The following APH1B variants were observed in gnomAD, a reference collection of about 807,000 sequenced individuals.
The protein encoded by APH1B is gamma-secretase subunit APH-1B.
A neutral mutation model predicts 28.2 loss-of-function variants in APH1B; 27 were observed. The ratio of observed to expected loss-of-function variants is 0.96; its 90% CI spans 0.70 to 1.32. The LOEUF (loss-of-function observed/expected upper bound fraction) is 1.32. Ranked by LOEUF, APH1B falls within the 40% of genes most tolerant of loss-of-function variation. The pLI is 0.00. For missense variants in APH1B, 305 were observed against 313.6 expected, an observed-to-expected ratio of 0.97 and a Z score of 0.21; for synonymous variants, 141 against 124.6, an observed-to-expected ratio of 1.13 and a Z score of -0.88.
At chr15:63,292,947 G>A (rs1435881488) in intron 4 of APH1B, among the ~76,000 whole-genome samples, 1 of 152,084 alleles carries the variant, frequency 6.6e-6, no homozygotes, top group Non-Finnish European at 1.5e-5. Flanking sequence ...AGACTTGATG[G>A]CTCTTCTAGG....
chr15:63,305,896 C>A lies in APH1B; in HGVS notation c.*115C>A, dbSNP rs760686418. 25 of 1,331,848 alleles carry A rather than the reference C, an allele frequency of 1.9e-5. No individual in the cohort carries two copies. The highest frequency in any genetic ancestry group is 2.4e-5 in the Non-Finnish European group (24 of 990,764). The allele number at this position is 1,331,848 out of a possible 1,614,324, so 82.5% of individuals were successfully genotyped here. A position where few individuals can be genotyped will look rare whatever the true frequency, so the allele number is the denominator to read the frequency against. ...GAATTGAGAAAGAAATAAAACTATG[C>A]AGATATGCGTTCCATTCACTTGGCT... On this transcript the variant is annotated 3_prime_UTR_variant, in exon 6 of 6. Transcript: ENST00000261879.
At chr15:63,301,103 C>G (rs2038622598) in intron 4 of APH1B, among the ~76,000 whole-genome samples, 1 of 152,200 alleles carries the variant, frequency 6.6e-6, no homozygotes, top group Non-Finnish European at 1.5e-5. Flanking sequence ...CCCATTGTTT[C>G]TGATTCAGGA....
At chr15:63,300,358 C>T (rs1035420353) in intron 4 of APH1B, among the ~76,000 whole-genome samples, 2 of 152,200 alleles carry the variant, frequency 1.3e-5, no homozygotes, top group Non-Finnish European at 2.9e-5. Flanking sequence ...AAACAGATGA[C>T]ACCTTAATGG....
intron 1 of APH1B, chr15:63,278,355 G>A (rs2152590727): frequency 2.2e-6 from 1 of 456,724 alleles, no homozygotes; most frequent in South Asian, 1.5e-5. Flanking sequence ...TGGGAGCTTG[G>A]TAAATACCGG....
chr15:63,291,012 T>G (rs948261051), intron 4 of APH1B, among the ~76,000 whole-genome samples: 2 of 152,120 alleles, frequency 1.3e-5, no homozygotes, highest in Non-Finnish European at 2.9e-5. Context: ...AGAGCAGTAT[T>G]GTTCACAGGG....
chr15:63,298,897 TA>T (rs11361217), intron 4 of APH1B, among the ~76,000 whole-genome samples: 91,455 of 142,874 alleles, frequency 0.64, 29,510 homozygotes, highest in Non-Finnish European at 0.73. Context: ...GTGTTGAATG[TA>T]AAAAAAAAAA....
intron 1 of APH1B, chr15:63,278,160 C>A (rs972220329): frequency 2.6e-6 from 1 of 383,728 alleles, no homozygotes. Flanking sequence ...CACCTGTGGC[C>A]AGGTGCTTTA....
intron 2 of APH1B, among the ~76,000 whole-genome samples, 161 bp downstream of exon 2, chr15:63,279,492 A>G (rs1438112918): frequency 6.6e-6 from 1 of 152,116 alleles, no homozygotes; most frequent in East Asian, 1.9e-4. Flanking sequence ...GTGTTCTTTT[A>G]TCTTGTGGAA....
Position 63,307,202 on chromosome 15 carries a change from G to A in APH1B, c.*1421G>A, listed in dbSNP as rs942799629. 1.3e-5 allele frequency: 2 copies of A among 152,178 alleles called. No individual in the cohort carries two copies. Among genetic ancestry groups the A allele is most frequent in the Non-Finnish European group, 2.9e-5 (2 of 68,048 alleles). 9.4% of individuals were successfully genotyped at this position (152,178 alleles called of 1,614,324 possible). On this transcript the variant is annotated 3_prime_UTR_variant, in exon 6 of 6. Coordinates refer to ENST00000261879, the MANE Select transcript of APH1B (RefSeq NM_031301.4). ...AGTGACAGTGGCAGGACGGATGGGC[G>A]GGTTTGACAGATTGTGGTGGGAAGA...
chr15:63,301,424 C>T (rs766420506), intron 4 of APH1B, among the ~76,000 whole-genome samples: 1 of 152,002 alleles, frequency 6.6e-6, no homozygotes, highest in African/African-American at 2.4e-5. Flanking sequence ...ATAGGGCTTG[C>T]CCACTTTAAA....
chr15:63,295,054 A>G (rs1373443182), intron 4 of APH1B, among the ~76,000 whole-genome samples: 2 of 152,182 alleles, frequency 1.3e-5, no homozygotes, highest in African/African-American at 4.8e-5. Flanking sequence ...ATCCATTCCA[A>G]CTGTAAACCT....
intron 2 of APH1B, among the ~76,000 whole-genome samples, chr15:63,283,467 C>T (rs945858730): frequency 1.5e-4 from 23 of 152,150 alleles, no homozygotes; most frequent in Admixed American, 6.5e-4. Flanking sequence ...TGAGCTCAAG[C>T]GACCCGCCCA....
chr15:63,285,700 G>A (rs1029665711), intron 2 of APH1B, among the ~76,000 whole-genome samples: 16 of 152,214 alleles, frequency 1.1e-4, no homozygotes, highest in Admixed American at 7.9e-4. Flanking sequence ...TCGAACTCCT[G>A]GATGCAAGTG....
At chr15:63,301,263 A>G (rs2038624145) in intron 4 of APH1B, among the ~76,000 whole-genome samples, 1 of 152,270 alleles carries the variant, frequency 6.6e-6, no homozygotes, top group Non-Finnish European at 1.5e-5. Flanking sequence ...TTAATTTGTA[A>G]TGCTAGACTG....
intron 4 of APH1B, among the ~76,000 whole-genome samples, chr15:63,294,738 T>C (rs1251932081): frequency 1.3e-5 from 2 of 152,378 alleles, no homozygotes; most frequent in East Asian, 3.9e-4. Flanking sequence ...TACTGCCTTT[T>C]ATAGTTATTC....
intron 2 of APH1B, among the ~76,000 whole-genome samples, chr15:63,285,055 G>C (rs1595759675): frequency 6.6e-6 from 1 of 152,314 alleles, no homozygotes; most frequent in East Asian, 1.9e-4. Context: ...CTGCTTCAGA[G>C]AAAGAAGATG....
At chr15:63,298,088 C>T (rs1479272522) in intron 4 of APH1B, among the ~76,000 whole-genome samples, 1 of 152,052 alleles carries the variant, frequency 6.6e-6, no homozygotes, top group Non-Finnish European at 1.5e-5. Flanking sequence ...ATGCTGGCCA[C>T]TGCAGACATA....
intron 5 of APH1B, among the ~76,000 whole-genome samples, chr15:63,303,712 C>T (rs1032435734): frequency 1.3e-5 from 2 of 152,118 alleles, no homozygotes; most frequent in African/African-American, 4.8e-5. Context: ...CGGCTGGCTT[C>T]GAACTCCTGG....
At chr15:63,305,010 G>A (rs948036005) in intron 5 of APH1B, among the ~76,000 whole-genome samples, 5 of 152,110 alleles carry the variant, frequency 3.3e-5, no homozygotes, top group Non-Finnish European at 5.9e-5. Context: ...TAGCCTCATC[G>A]CAATTATAAT....
Sources: gnomAD v4.1 joint callset for allele counts (sites outside exome capture counted in the v4.1 genomes callset) on GRCh38, gnomAD v4.1.1 for gene constraint, MANE v1.5 for transcripts, NCBI Gene and HGNC (gene_info 2026-07-23, HGNC 2026-07-21) for gene names.